Variants in RTEL1 observed in about 807,000 individuals in gnomAD.
The protein encoded by RTEL1 is regulator of telomere elongation helicase 1, also known as regulator of telomere length.
RTEL1 carries 86 observed loss-of-function variants against 162.2 expected under a neutral mutation model. The observed-to-expected ratio is 0.53, with a 90% CI of 0.45 to 0.63. RTEL1 has a LOEUF of 0.63. Ranked by LOEUF, RTEL1 falls within the 30% of genes least tolerant of loss-of-function variation. The pLI is 0.00. For synonymous variants in RTEL1, 958 were observed against 717.9 expected (o/e 1.33, Z -5.35); for missense variants, 1,941 against 1,750.2 (o/e 1.11, Z -1.95).
chr20:63,681,179 AC>A, intron 14 of RTEL1: 1 of 985,202 alleles, frequency 1.0e-6, no homozygotes, highest in African/African-American at 1.7e-5. Flanking sequence ...TGGGGGTGCG[AC>A]CCTGGCCCCC....
chr20:63,694,723 A>G lies in RTEL1; in HGVS notation c.3110-18A>G, dbSNP rs751485866. 4.4e-6 allele frequency: 7 copies of G among 1,584,370 alleles called. No individual in the cohort carries two copies. In the East Asian group the frequency reaches 9.0e-5, roughly 20 times the overall value. ...CTCCACCCCAGCGCCACTCTGAGCCATGCTACTCCCACACCAGGAGACCCT... is the reference window on the plus strand; with the variant it reads ...CTCCACCCCAGCGCCACTCTGAGCCGTGCTACTCCCACACCAGGAGACCCT... On this transcript the variant is annotated intron_variant, in intron 31 of 34. Coordinates refer to ENST00000360203, the MANE Select transcript of RTEL1 (RefSeq NM_001283009.2).
At chr20:63,670,479 A>G (rs2090217309) in intron 8 of RTEL1, among the ~76,000 whole-genome samples, 1 of 152,266 alleles carries the variant, frequency 6.6e-6, no homozygotes, top group African/African-American at 2.4e-5. Flanking sequence ...GCACATGGAA[A>G]GTCGCCCAGC....
chr20:63,680,029 CCCTGGCCGTCA>C (rs1022747048), intron 13 of RTEL1, 83 bp downstream of exon 13: 27 of 934,546 alleles, frequency 2.9e-5, no homozygotes, highest in African/African-American at 6.6e-5. Flanking sequence ...GTCAGGGCTC[CCCTGGCCGTCA>C]CCTGGCCGTC....
chr20:63,691,668 T>G, intron 27 of RTEL1, 74 bp from the exon 28 acceptor site: 2 of 1,327,102 alleles, frequency 1.5e-6, no homozygotes, highest in Non-Finnish European at 2.1e-6. Context: ...ATCTTCCCTG[T>G]GCGTCCAGGT....
chr20:63,689,894 G>A (rs373448193), intron 24 of RTEL1, 29 bp downstream of exon 24: 5 of 1,582,890 alleles, frequency 3.2e-6, no homozygotes, highest in East Asian at 2.2e-5. Flanking sequence ...CAGGCGCGGC[G>A]CCAGGGGACA....
chr20:63,685,893 G>A (rs370155217), intron 16 of RTEL1, 21 bp downstream of exon 16: 37 of 1,606,614 alleles, frequency 2.3e-5, no homozygotes, highest in East Asian at 8.9e-5. Flanking sequence ...GGGCCCACAC[G>A]CTCCCCGCCC....
chr20:63,694,408 C>G lies in RTEL1; in HGVS notation c.3029C>G (p.Thr1010Arg), dbSNP rs750539539. The change falls in exon 31 of 35, where the codon ACG becomes AGG. Residue 1010 changes from threonine (T) to arginine (R), a missense_variant. Thr to Arg is a moderately conservative substitution (Grantham distance 71, BLOSUM62 -1). Transcript: ENST00000360203. ...CCGGATCCCAAGCTGACCGTGTCCACGGCTGCAGCCCAGCAGCTGGACCCC... is the reference window on the plus strand; with the variant it reads ...CCGGATCCCAAGCTGACCGTGTCCAGGGCTGCAGCCCAGCAGCTGGACCCC... ...TAPDPKLTVSTAAAQQLDPQE... is the reference protein window; with the variant it reads ...TAPDPKLTVSRAAAQQLDPQE... The G allele has an allele frequency of 6.2e-7, 1 of 1,612,432 alleles. No homozygotes were observed. The highest frequency in any genetic ancestry group is 8.5e-7 in the Non-Finnish European group (1 of 1,179,690).
intron 13 of RTEL1, 95 bp from the exon 14 acceptor site, chr20:63,680,569 A>G: frequency 7.5e-7 from 1 of 1,342,026 alleles, no homozygotes; most frequent in Non-Finnish European, 1.1e-6. Flanking sequence ...GGAGCTTGGC[A>G]GTCGGGCTGA....
rs373125587 is a variant in RTEL1 at position 63,689,731 on chromosome 20, G to A, written c.2026-19G>A. 41 of 1,608,618 alleles carry A rather than the reference G, an allele frequency of 2.5e-5. No homozygotes were observed. In the African/African-American group the frequency reaches 3.7e-4, roughly 15 times the overall value. On this transcript the variant is annotated intron_variant, in intron 23 of 34. Coordinates refer to ENST00000360203, the MANE Select transcript of RTEL1 (RefSeq NM_001283009.2). ...CGTGGCCAAGGGAGCCCCCGTGACC[G>A]AGCCGCCTCGCCCCACAGTTCCTCT... is the stretch of plus-strand genomic sequence containing the variant.
At chr20:63,694,585 G>A in intron 31 of RTEL1, 97 bp downstream of exon 31, 3 of 1,263,726 alleles carry the variant, frequency 2.4e-6, no homozygotes, top group South Asian at 2.7e-5. Context: ...CTGCCCCTGT[G>A]GGGAGCCATC....
intron 28 of RTEL1, 178 bp downstream of exon 28, chr20:63,692,015 A>G: frequency 3.5e-6 from 2 of 569,578 alleles, no homozygotes; most frequent in South Asian, 4.0e-5. Flanking sequence ...TTTCTTCTGC[A>G]GGGGGCTCAT....
In RTEL1 at chr20:63,658,363, TG is replaced by T. The variant is rs1254528590; in HGVS notation, c.-273del. 2 of 152,436 alleles carry T rather than the reference TG, an allele frequency of 1.3e-5. No homozygotes were observed. Among genetic ancestry groups the T allele is most frequent in the African/African-American group, 4.8e-5 (2 of 41,476 alleles). The allele number at this position is 152,436 out of a possible 1,614,324, so 9.4% of individuals were successfully genotyped here. On this transcript the variant is annotated 5_prime_UTR_variant, in exon 1 of 35. Transcript: ENST00000360203. ...TGCGCGCCTCTGCCCGCGAAAACTC[TG>T]AGCTGGCTGACAGCTGGGGACGGGT...
rs1299433246 is a variant in RTEL1, at chr20:63,690,911, C to T, written c.2520C>T (p.His840=). 7 of 1,570,234 alleles carry T rather than the reference C, an allele frequency of 4.5e-6. No homozygotes were observed. Among genetic ancestry groups the T allele is most frequent in the African/African-American group, 1.3e-5 (1 of 74,230 alleles). ...GGGGGCTGCTGGCCGCCCTGGAGCACAGCGAACAGCGGGCGGGGAGCCCTG... is the reference window on the plus strand; with the variant it reads ...GGGGGCTGCTGGCCGCCCTGGAGCATAGCGAACAGCGGGCGGGGAGCCCTG... ...RPRGLLAALE[H]SEQRAGSPGE... Residue 840 remains histidine (H), a synonymous_variant, in exon 27 of 35, where the codon CAC becomes CAT. Transcript: ENST00000360203.
In RTEL1 at chr20:63,667,555, T is replaced by TG. The variant is rs1480315192; in HGVS notation, c.699+7dup. ...TACAATTACTTGTTGGATGCCAAGG[T>TG]GGGGGCTCAGTCCTGTAGCTGACGA... On this transcript the variant is annotated splice_region_variant and intron_variant, in intron 8 of 34. Coordinates refer to ENST00000360203, the MANE Select transcript of RTEL1 (RefSeq NM_001283009.2). 1.9e-6 allele frequency: 3 copies of TG among 1,612,562 alleles called. No homozygotes were observed. In the African/African-American group the frequency reaches 4.0e-5, roughly 22 times the overall value.
At position 63,693,228 on chromosome 20, in the gene RTEL1, G is replaced by C. The variant is rs768689934; in HGVS notation, c.2937G>C (p.Arg979=). Residue 979 remains arginine, a synonymous_variant, in exon 30 of 35, where the codon CGG becomes CGC. Transcript: ENST00000360203. ...TGACAGGACGAGGCTGTGGCTATCG[G>C]CCTGAGCACAGCATTCCCCGAAGGC... ...IQLTGRGCGY[R]PEHSIPRRQR... is the part of the protein sequence containing the mutation. The C allele has an allele frequency of 6.8e-6, 11 of 1,612,098 alleles. No homozygotes were observed. Among genetic ancestry groups the C allele is most frequent in the Admixed American group, 3.3e-5 (2 of 59,976 alleles).
At chr20:63,662,435 T>C in intron 4 of RTEL1, 111 bp from the exon 5 acceptor site, 1 of 1,562,648 alleles carries the variant, frequency 6.4e-7, no homozygotes, top group Non-Finnish European at 8.7e-7. Flanking sequence ...TTATGCTCAC[T>C]TCCTCTGACC....
In RTEL1 at chr20:63,679,837, TCTC is replaced by T. The variant is rs1267375602; in HGVS notation, c.1038-8_1038-6del. The stretch of plus-strand genomic sequence containing the variant: ...CCCGCCAGGCTCGAGCCTGCCTTCT[TCTC>T]CTCGGCAGCTACATCTTTGAGCTGT... On this transcript the variant is annotated splice_polypyrimidine_tract_variant and intron_variant, in intron 12 of 34. Coordinates refer to ENST00000360203, the MANE Select transcript of RTEL1 (RefSeq NM_001283009.2). The T allele has an allele frequency of 1.0e-5, 16 of 1,606,752 alleles. No individual in the cohort carries two copies. Among genetic ancestry groups the T allele is most frequent in the Non-Finnish European group, 1.2e-5 (14 of 1,178,250 alleles).
At chr20:63,666,524 G>A (rs992975389) in intron 7 of RTEL1, among the ~76,000 whole-genome samples, 1 of 152,100 alleles carries the variant, frequency 6.6e-6, no homozygotes, top group Non-Finnish European at 1.5e-5. Context: ...TTCTTATATT[G>A]AGGGGGAAAC....
chr20:63,694,299 G>A (rs1313721848), intron 30 of RTEL1, 73 bp from the exon 31 acceptor site: 2 of 841,604 alleles, frequency 2.4e-6, no homozygotes, highest in African/African-American at 1.7e-5. Context: ...TCCCTAGCCA[G>A]CCCTGCCCCC....
Sources: allele counts gnomAD v4.1 joint callset (sites outside exome capture counted in the v4.1 genomes callset), GRCh38; gene constraint gnomAD v4.1.1; transcripts MANE v1.5; gene names NCBI Gene and HGNC (gene_info 2026-07-23, HGNC 2026-07-21).